Variants in SHLD2 observed in about 807,000 individuals in gnomAD.
SHLD2 encodes shieldin complex subunit 2.
Under a neutral mutation model 73.2 loss-of-function variants are expected in SHLD2, and 30 were observed. The observed-to-expected ratio is 0.41, with a 90% CI of 0.31 to 0.56. The LOEUF (loss-of-function observed/expected upper bound fraction) is 0.56. SHLD2 is among the 20% of genes least tolerant of loss of function. SHLD2 has a pLI of 0.28. For synonymous variants in SHLD2, 285 were observed against 370.1 expected (o/e 0.77, Z 2.64); for missense variants, 745 against 1,055.9 (o/e 0.71, Z 4.08).
At chr10:87,117,012 G>A (rs1398377097) in intron 2 of SHLD2, among the ~76,000 whole-genome samples, 4 of 152,222 alleles carry the variant, frequency 2.6e-5, no homozygotes, top group Non-Finnish European at 5.9e-5. Flanking sequence ...AGATTGAACG[G>A]GAGGAGCAGT....
chr10:87,177,854 G>A (rs192547248), intron 7 of SHLD2, among the ~76,000 whole-genome samples: 86 of 152,274 alleles, frequency 5.6e-4, no homozygotes, highest in African/African-American at 2.0e-3. Flanking sequence ...TCCACATTCA[G>A]CATGACCTTT....
intron 2 of SHLD2, among the ~76,000 whole-genome samples, chr10:87,133,113 A>G (rs1380045339): frequency 3.3e-5 from 5 of 152,200 alleles, no homozygotes; most frequent in African/African-American, 9.7e-5. Context: ...TTTCTTAACT[A>G]TATTGCTTTA....
intron 2 of SHLD2, among the ~76,000 whole-genome samples, chr10:87,107,852 CTTTTTT>C (rs891401874): frequency 6.7e-6 from 1 of 148,216 alleles, no homozygotes; most frequent in Non-Finnish European, 1.5e-5. Flanking sequence ...TTCTTTCTTT[CTTTTTT>C]TTTTATTTTT....
At chr10:87,168,119 A>T (rs1458425728) in intron 4 of SHLD2, among the ~76,000 whole-genome samples, 1 of 152,150 alleles carries the variant, frequency 6.6e-6, no homozygotes, top group Non-Finnish European at 1.5e-5. Context: ...CAGCAATCCC[A>T]TTACTAGGTA....
At chr10:87,125,837 G>T (rs188021359) in intron 2 of SHLD2, among the ~76,000 whole-genome samples, 1 of 152,306 alleles carries the variant, frequency 6.6e-6, no homozygotes, top group Admixed American at 6.5e-5. Context: ...TGAGGCAGGA[G>T]AATCGCTTGA....
chr10:87,132,558 T>C (rs1844503150), intron 2 of SHLD2, among the ~76,000 whole-genome samples: 2 of 152,136 alleles, frequency 1.3e-5, no homozygotes, highest in Admixed American at 6.6e-5. Flanking sequence ...ATGGATCACT[T>C]GAGCTCAGGA....
chr10:87,155,356 T>A (rs1846339602), intron 3 of SHLD2, among the ~76,000 whole-genome samples: 1 of 151,300 alleles, frequency 6.6e-6, no homozygotes. Flanking sequence ...GGAGATTCAA[T>A]TCACCTAACT....
intron 4 of SHLD2, among the ~76,000 whole-genome samples, chr10:87,166,159 T>C (rs1847184757): frequency 1.3e-5 from 2 of 152,098 alleles, no homozygotes; most frequent in African/African-American, 4.8e-5. Flanking sequence ...GTATTAGAGT[T>C]ATTAACCAGT....
At chr10:87,095,753 T>C (rs1259595257) in intron 1 of SHLD2, among the ~76,000 whole-genome samples, 4 of 152,228 alleles carry the variant, frequency 2.6e-5, no homozygotes, top group Non-Finnish European at 5.9e-5. Context: ...CCCACAGTAC[T>C]GACTGCTTCA....
intron 2 of SHLD2, among the ~76,000 whole-genome samples, chr10:87,122,783 T>C (rs1843718184): frequency 1.3e-5 from 2 of 152,242 alleles, no homozygotes; most frequent in South Asian, 4.1e-4. Context: ...TGTTTATTTT[T>C]ATTTTATTTT....
intron 6 of SHLD2, 149 bp from the exon 7 acceptor site, chr10:87,175,740 A>G (rs1198002496): frequency 3.2e-6 from 2 of 618,760 alleles, no homozygotes; most frequent in Non-Finnish European, 5.8e-6. Flanking sequence ...GTCTTAATGC[A>G]TCATTCATAT....
intron 2 of SHLD2, among the ~76,000 whole-genome samples, chr10:87,120,546 C>T (rs1843547733): frequency 6.6e-6 from 1 of 151,946 alleles, no homozygotes; most frequent in Non-Finnish European, 1.5e-5. Flanking sequence ...CGCGCCCGGC[C>T]GTGTTGAAGT....
At chr10:87,104,525 AT>A (rs1391286675) in intron 2 of SHLD2, among the ~76,000 whole-genome samples, 2 of 151,642 alleles carry the variant, frequency 1.3e-5, no homozygotes, top group African/African-American at 2.4e-5. Context: ...CAACAGCAAG[AT>A]TCTGTCTCAG....
chr10:87,168,442 C>CA (rs901467817), intron 4 of SHLD2, among the ~76,000 whole-genome samples: 2 of 151,444 alleles, frequency 1.3e-5, no homozygotes, highest in African/African-American at 4.9e-5. Context: ...ACAAAAAATA[C>CA]AAAAAAATTA....
chr10:87,130,823 A>T (rs1373937117), intron 2 of SHLD2, among the ~76,000 whole-genome samples: 2 of 152,128 alleles, frequency 1.3e-5, no homozygotes, highest in Non-Finnish European at 2.9e-5. Context: ...GTAATCCCAG[A>T]ATTTTGGGAG....
At chr10:87,127,528 C>CA (rs1844098638) in intron 2 of SHLD2, among the ~76,000 whole-genome samples, 16 of 57,188 alleles carry the variant, frequency 2.8e-4, no homozygotes, top group South Asian at 1.6e-3. Context: ...CCCTCTTACC[C>CA]GCCCCCCCCC....
intron 2 of SHLD2, among the ~76,000 whole-genome samples, chr10:87,099,892 A>G (rs541083666): frequency 6.6e-6 from 1 of 152,184 alleles, no homozygotes; most frequent in African/African-American, 2.4e-5. Flanking sequence ...TCATGTGCTT[A>G]TGGACCATTT....
chr10:87,164,379 A>C (rs762112355), intron 4 of SHLD2, among the ~76,000 whole-genome samples: 3 of 151,976 alleles, frequency 2.0e-5, no homozygotes, highest in African/African-American at 7.3e-5. Context: ...CAGCCTTCCA[A>C]GTAGCCGGTA....
intron 2 of SHLD2, among the ~76,000 whole-genome samples, chr10:87,133,879 A>G (rs969688935): frequency 5.3e-5 from 8 of 152,256 alleles, no homozygotes; most frequent in Non-Finnish European, 8.8e-5. Context: ...ATAAAGAATC[A>G]TATTTGCTCC....
Sources: gnomAD v4.1 joint callset for allele counts (sites outside exome capture counted in the v4.1 genomes callset) on GRCh38, gnomAD v4.1.1 for gene constraint, MANE v1.5 for transcripts, NCBI Gene and HGNC (gene_info 2026-07-23, HGNC 2026-07-21) for gene names.